Variants in TSGA10 observed in about 807,000 individuals in gnomAD.
TSGA10 encodes the protein testis-specific gene 10 protein.
TSGA10 carries 43 observed loss-of-function variants against 96.6 expected under a neutral mutation model. That is an observed-to-expected ratio of 0.44 (90% CI 0.35 to 0.57). TSGA10 has a LOEUF of 0.57. Among genes scored for constraint, TSGA10 ranks in the 20% least tolerant of loss-of-function variants. The pLI is 0.01. For synonymous variants in TSGA10, 229 were observed against 269.9 expected, an observed-to-expected ratio of 0.85 and a Z score of 1.48; for missense variants, 703 against 834.4, an observed-to-expected ratio of 0.84 and a Z score of 1.94.
In TSGA10 at chr2:99,035,394, G is replaced by A; in HGVS notation, c.1450C>T (p.His484Tyr). ...RSYKSQISTL[H>Y]KSVVKMEEEL... ...TCTTCCATTTTTACAACAGATTTAT[G>A]TAAGGTAGAAATCTGGGACTTGTAA... The change falls in exon 17 of 21, where the codon CAT becomes TAT. Residue 484 changes from histidine (H) to tyrosine (Y), a missense_variant. By Grantham distance (83) the His-to-Tyr change is moderately conservative. This residue lies in a region of TSGA10 where 585 missense variants were observed against 656.8 expected (regional missense o/e 0.89). Coordinates refer to ENST00000393483, the MANE Select transcript of TSGA10 (RefSeq NM_025244.4). The A allele has an allele frequency of 6.2e-7, 1 of 1,612,630 alleles. No homozygotes were observed. Among genetic ancestry groups the A allele is most frequent in the Non-Finnish European group, 8.5e-7 (1 of 1,179,208 alleles).
chr2:99,113,545 T>A (rs912948463), intron 4 of TSGA10, among the ~76,000 whole-genome samples: 4 of 152,114 alleles, frequency 2.6e-5, no homozygotes, highest in African/African-American at 9.7e-5. Flanking sequence ...GGCAATCAGC[T>A]TTTTTGTTGT....
chr2:99,052,899 C>T (rs906442811), intron 16 of TSGA10, among the ~76,000 whole-genome samples: 1 of 151,588 alleles, frequency 6.6e-6, no homozygotes, highest in Non-Finnish European at 1.5e-5. Context: ...CCATCTCTAC[C>T]AAAAACACAA....
intron 10 of TSGA10, among the ~76,000 whole-genome samples, chr2:99,093,537 A>G (rs1176631328): frequency 9.7e-6 from 1 of 102,582 alleles, no homozygotes; most frequent in Non-Finnish European, 2.4e-5. Flanking sequence ...GAACTGATAA[A>G]TGAATTCAGA....
intron 2 of TSGA10, 82 bp downstream of exon 2, chr2:99,126,962 GTAGT>G (rs1192585305): frequency 2.6e-6 from 3 of 1,138,212 alleles, no homozygotes; most frequent in African/African-American, 1.6e-5. Flanking sequence ...CTCTGAATTA[GTAGT>G]TATTTATTCT....
intron 10 of TSGA10, among the ~76,000 whole-genome samples, chr2:99,100,610 G>C (rs1176132385): frequency 3.3e-5 from 5 of 151,968 alleles, no homozygotes; most frequent in African/African-American, 1.2e-4. Context: ...CACGAGGTCA[G>C]GAGATCGAGA....
At chr2:99,067,222 C>T (rs555585688) in intron 15 of TSGA10, among the ~76,000 whole-genome samples, 2 of 152,292 alleles carry the variant, frequency 1.3e-5, no homozygotes, top group African/African-American at 4.8e-5. Context: ...GCACCTAGCA[C>T]GCTGCATGAA....
chr2:99,078,487 T>C (rs963199004), intron 12 of TSGA10, among the ~76,000 whole-genome samples, 172 bp downstream of exon 12: 3 of 152,196 alleles, frequency 2.0e-5, no homozygotes, highest in Non-Finnish European at 4.4e-5. Flanking sequence ...GTACACATGC[T>C]TCCTAAGACT....
In TSGA10 at chr2:99,026,858, CCCAACCTTTTTGTCA is replaced by C. The variant is rs559876281; in HGVS notation, c.1615-6391_1615-6377del. Among the ~76,000 whole-genome samples, 30 of 152,226 alleles carry C rather than the reference CCCAACCTTTTTGTCA, an allele frequency of 2.0e-4. No homozygotes were observed. The East Asian group carries it at 5.8e-3, about 29-fold the overall frequency. On this transcript the variant is annotated intron_variant, in intron 17 of 20. Transcript: ENST00000393483. Reference sequence around the variant, plus strand: ...AATGGAATACTATACAGCAGCGGTCCCCAACCTTTTTGTCACCAGGAACTGGTTTCATGGAAGACA... The same window carrying C: ...AATGGAATACTATACAGCAGCGGTCCCCAGGAACTGGTTTCATGGAAGACA...
chr2:99,025,379 T>C (rs2080469437), intron 17 of TSGA10, among the ~76,000 whole-genome samples: 3 of 152,348 alleles, frequency 2.0e-5, no homozygotes, highest in South Asian at 4.1e-4. Context: ...TGGAAATTTG[T>C]TGATTTCATC....
intron 16 of TSGA10, among the ~76,000 whole-genome samples, chr2:99,048,239 A>G (rs1020343452): frequency 6.6e-6 from 1 of 152,178 alleles, no homozygotes; most frequent in African/African-American, 2.4e-5. Context: ...CTTCATATAG[A>G]ACCAAAAAAG....
chr2:99,018,669 T>C, intron 18 of TSGA10, 29 bp from the exon 19 acceptor site: 2 of 1,566,492 alleles, frequency 1.3e-6, no homozygotes, highest in Non-Finnish European at 8.7e-7. Flanking sequence ...GAGTTATAGT[T>C]GACTAAACTT....
intron 1 of TSGA10, chr2:99,142,301 G>A (rs1005730391): frequency 6.6e-6 from 1 of 152,144 alleles, no homozygotes; most frequent in Non-Finnish European, 1.5e-5. Context: ...TAGACACTAG[G>A]TTTTTACAGC....
At chr2:99,006,798 T>C (rs566810144) in intron 20 of TSGA10, among the ~76,000 whole-genome samples, 110 of 152,340 alleles carry the variant, frequency 7.2e-4, no homozygotes, top group African/African-American at 2.6e-3. Flanking sequence ...TTACTGGGTA[T>C]ATACCCAAAG....
chr2:99,059,480 CA>C (rs199997627), intron 16 of TSGA10, among the ~76,000 whole-genome samples: 1 of 150,066 alleles, frequency 6.7e-6, no homozygotes, highest in Admixed American at 6.7e-5. Context: ...ATTAAAAATA[CA>C]AAAAAAAATT....
intron 16 of TSGA10, among the ~76,000 whole-genome samples, chr2:99,049,538 C>T (rs767981302): frequency 4.6e-5 from 7 of 151,948 alleles, no homozygotes; most frequent in Non-Finnish European, 8.8e-5. Flanking sequence ...AATGAGAACA[C>T]CGGGACACAG....
In TSGA10 at chr2:99,069,010, A is replaced by T; in HGVS notation, c.1108-12T>A. The T allele has an allele frequency of 2.2e-6, 3 of 1,371,352 alleles. No individual in the cohort carries two copies. Among genetic ancestry groups the T allele is most frequent in the Non-Finnish European group, 2.9e-6 (3 of 1,031,532 alleles). 84.9% of individuals were successfully genotyped at this position (1,371,352 alleles called of 1,614,324 possible). On this transcript the variant is annotated splice_polypyrimidine_tract_variant and intron_variant, in intron 14 of 20. Coordinates refer to ENST00000393483, the MANE Select transcript of TSGA10 (RefSeq NM_025244.4). ...TTTTTGGACAGTGCCTACGAAAAAA[A>T]GATAGGTATATTTGACTATGAAAAA... is the stretch of plus-strand genomic sequence containing the variant.
chr2:99,032,895 G>A (rs1428529572), intron 17 of TSGA10, among the ~76,000 whole-genome samples: 2 of 152,238 alleles, frequency 1.3e-5, no homozygotes, highest in Non-Finnish European at 2.9e-5. Context: ...GTCTACGGAT[G>A]TTGACGGCAA....
chr2:99,028,931 T>A lies in TSGA10; in HGVS notation c.1614+6299A>T, dbSNP rs533279368. Among the ~76,000 whole-genome samples, 39 of 152,260 alleles carry A rather than the reference T, an allele frequency of 2.6e-4. 1 individual carries two copies. In the South Asian group the frequency reaches 8.1e-3, roughly 32 times the overall value. On this transcript the variant is annotated intron_variant, in intron 17 of 20. Coordinates refer to ENST00000393483, the MANE Select transcript of TSGA10 (RefSeq NM_025244.4). ...GTGATAAAAGTTTTACGTAAAAAAA[T>A]TTTCCATGTTGTTTTATACAATAAA...
At chr2:99,058,322 A>G (rs1473098536) in intron 16 of TSGA10, among the ~76,000 whole-genome samples, 3 of 152,194 alleles carry the variant, frequency 2.0e-5, no homozygotes, top group Admixed American at 6.5e-5. Flanking sequence ...GCAACACAAA[A>G]ATATGTAGAA....
Sources: allele counts gnomAD v4.1 joint callset (sites outside exome capture counted in the v4.1 genomes callset), GRCh38; gene constraint gnomAD v4.1.1; regional missense constraint gnomAD v4.1.1; transcripts MANE v1.5; gene names NCBI Gene and HGNC (gene_info 2026-07-23, HGNC 2026-07-21).